Variants in RANBP10 observed in about 807,000 individuals in gnomAD.
The protein encoded by RANBP10 is RAN binding protein 10.
A neutral mutation model predicts 72.8 loss-of-function variants in RANBP10; 24 were observed. That is an observed-to-expected ratio of 0.33 (90% CI 0.24 to 0.46). The LOEUF is 0.46. Ranked by LOEUF, RANBP10 falls within the 20% of genes least tolerant of loss-of-function variation. The pLI, the probability that RANBP10 is intolerant of heterozygous loss-of-function variation, is 1.00. For synonymous variants in RANBP10, 310 were observed against 322.3 expected, an observed-to-expected ratio of 0.96 and a Z score of 0.41; for missense variants, 679 against 817.5, an observed-to-expected ratio of 0.83 and a Z score of 2.07.
chr16:67,751,492 G>T (rs193243084), intron 3 of RANBP10, among the ~76,000 whole-genome samples: 20 of 152,162 alleles, frequency 1.3e-4, no homozygotes, highest in Admixed American at 1.0e-3. Context: ...GGGTGTGGTA[G>T]CACATGCCTA....
intron 3 of RANBP10, among the ~76,000 whole-genome samples, chr16:67,765,531 A>T (rs953775048): frequency 2.6e-5 from 4 of 152,090 alleles, no homozygotes; most frequent in African/African-American, 7.2e-5. Flanking sequence ...CCATCTCAAA[A>T]AAATAAATAA....
At chr16:67,747,718 T>A (rs1415293839) in intron 3 of RANBP10, among the ~76,000 whole-genome samples, 1 of 152,016 alleles carries the variant, frequency 6.6e-6, no homozygotes, top group Non-Finnish European at 1.5e-5. Flanking sequence ...TTGGCCAGGC[T>A]GGTCTCGAAC....
chr16:67,787,644 G>A (rs908380749), intron 2 of RANBP10, among the ~76,000 whole-genome samples: 2 of 152,096 alleles, frequency 1.3e-5, no homozygotes, highest in African/African-American at 4.8e-5. Context: ...ATCAACAGAA[G>A]AATGGATAAA....
At chr16:67,752,528 C>G (rs961161156) in intron 3 of RANBP10, among the ~76,000 whole-genome samples, 1 of 152,104 alleles carries the variant, frequency 6.6e-6, no homozygotes, top group African/African-American at 2.4e-5. Flanking sequence ...GAAATCTGAA[C>G]CTATTCTGGT....
At chr16:67,731,753 C>A (rs1274771966) in intron 6 of RANBP10, among the ~76,000 whole-genome samples, 169 bp from the exon 7 acceptor site, 1 of 152,220 alleles carries the variant, frequency 6.6e-6, no homozygotes, top group Non-Finnish European at 1.5e-5. Context: ...AAAACTTCCC[C>A]CATGGTGCCC....
At position 67,727,863 on chromosome 16, in the gene RANBP10, C is replaced by T. The variant is rs769636670; in HGVS notation, c.1508G>A (p.Gly503Asp). ...GATCCTTTCTGTGGCAGCCTGGTTG[C>T]CCCCGCAGAGCTGCCGCCGAGGATG... ...DRHPRRQLCG[G>D]NQAATERIIL... Residue 503 changes from glycine to aspartate, a missense_variant, in exon 12 of 14, where the codon GGC becomes GAC. Coordinates refer to ENST00000317506, the MANE Select transcript of RANBP10 (RefSeq NM_020850.3). 1 of 1,614,002 alleles carries T rather than the reference C, an allele frequency of 6.2e-7. No homozygotes were observed. The highest frequency in any genetic ancestry group is 1.7e-5 in the Admixed American group (1 of 60,022).
rs2053624026 is a variant in RANBP10, at chr16:67,727,393, C to A, written c.1666G>T (p.Val556Phe). 1 of 1,613,996 alleles carries A rather than the reference C, an allele frequency of 6.2e-7. No homozygotes were observed. The highest frequency in any genetic ancestry group is 2.2e-5 in the East Asian group (1 of 44,880). ...TGGATGGGGTCAAGCTGCTGGCCAACTGGGCAGCTCCAGGGGTCTGAGTAT... is the reference window on the plus strand; with the variant it reads ...TGGATGGGGTCAAGCTGCTGGCCAAATGGGCAGCTCCAGGGGTCTGAGTAT... ...LAYSDPWSCP[V>F]GQQLDPIQRE... Residue 556 changes from valine to phenylalanine, a missense_variant, in exon 13 of 14, where the codon GTT becomes TTT. Coordinates refer to ENST00000317506, the MANE Select transcript of RANBP10 (RefSeq NM_020850.3).
At chr16:67,763,809 C>G (rs866921317) in intron 3 of RANBP10, among the ~76,000 whole-genome samples, 1 of 152,240 alleles carries the variant, frequency 6.6e-6, no homozygotes, top group African/African-American at 2.4e-5. Context: ...ATTCTCCTGC[C>G]TCAGCCTCCC....
rs149876935 is a variant in RANBP10, at chr16:67,776,461, CAAAAAAAAAAAA to C, written c.348-4387_348-4376del. Among the ~76,000 whole-genome samples, 28 of 37,914 alleles carry C rather than the reference CAAAAAAAAAAAA, an allele frequency of 7.4e-4. No homozygotes were observed. The South Asian group carries it at 0.013, about 18-fold the overall frequency. The allele number at this position is 37,914 out of a possible 152,430, so 24.9% of individuals were successfully genotyped here. ...CGGACAACAGACACGGACTCCATCT[CAAAAAAAAAAAA>C]AAAAAAAAAAAAAGAATTGGCCAGG... On this transcript the variant is annotated intron_variant, in intron 2 of 13. Transcript: ENST00000317506.
intron 6 of RANBP10, 78 bp from the exon 7 acceptor site, chr16:67,731,662 T>G: frequency 9.3e-7 from 1 of 1,076,372 alleles, no homozygotes; most frequent in Non-Finnish European, 1.4e-6. Context: ...CAGGACAGAT[T>G]ACCTCCCCCA....
intron 2 of RANBP10, among the ~76,000 whole-genome samples, chr16:67,784,653 T>A (rs1432322507): frequency 1.4e-5 from 2 of 146,944 alleles, no homozygotes; most frequent in African/African-American, 2.5e-5. Flanking sequence ...TGAAACTCCA[T>A]CCCAAAAAAA....
Position 67,738,142 on chromosome 16 carries a change from T to C in RANBP10, c.569-107A>G, listed in dbSNP as rs2053893958. On this transcript the variant is annotated intron_variant, in intron 4 of 13. Coordinates refer to ENST00000317506, the MANE Select transcript of RANBP10 (RefSeq NM_020850.3). The stretch of plus-strand genomic sequence containing the variant: ...GGCCGGGTAGTTGTTTTTTTTGGTT[T>C]GTTGTTGTTGTTTTGAGACAGAGTC... 4 of 1,259,616 alleles carry C rather than the reference T, an allele frequency of 3.2e-6. No individual in the cohort carries two copies. In the East Asian group the frequency reaches 1.1e-4, roughly 35 times the overall value. The allele number at this position is 1,259,616 out of a possible 1,614,324, so 78.0% of individuals were successfully genotyped here.
chr16:67,726,794 T>A (rs756574617), intron 13 of RANBP10, among the ~76,000 whole-genome samples: 6 of 152,188 alleles, frequency 3.9e-5, no homozygotes, highest in Non-Finnish European at 8.8e-5. Flanking sequence ...TGCCATGGCC[T>A]AGGACCCATC....
intron 2 of RANBP10, among the ~76,000 whole-genome samples, chr16:67,798,837 C>T (rs1014190547): frequency 3.9e-5 from 6 of 152,236 alleles, no homozygotes. Context: ...TTTCTTCACT[C>T]TCAAAAGCAT....
At chr16:67,799,629 T>A (rs902164873) in intron 2 of RANBP10, among the ~76,000 whole-genome samples, 4 of 152,096 alleles carry the variant, frequency 2.6e-5, no homozygotes, top group Non-Finnish European at 4.4e-5. Flanking sequence ...GCCTGAAGCA[T>A]CTGCTTCTCA....
chr16:67,751,895 A>AG (rs1225988455), intron 3 of RANBP10, among the ~76,000 whole-genome samples: 1 of 152,072 alleles, frequency 6.6e-6, no homozygotes, highest in African/African-American at 2.4e-5. Flanking sequence ...CGTCTCAAAA[A>AG]GAAAAAAAAA....
At position 67,724,416 on chromosome 16, in the gene RANBP10, A is replaced by C. The variant is rs1205323353; in HGVS notation, c.*2012T>G. On this transcript the variant is annotated 3_prime_UTR_variant, in exon 14 of 14. Transcript: ENST00000317506. Reference sequence around the variant, plus strand: ...GGAGATGTTCACTGAACCCCATTCCAGCTGCAAAAGCCTGTGGTTTTAATC... The same window carrying C: ...GGAGATGTTCACTGAACCCCATTCCCGCTGCAAAAGCCTGTGGTTTTAATC... The C allele has an allele frequency of 6.6e-6, 1 of 152,228 alleles. No homozygotes were observed. Among genetic ancestry groups the C allele is most frequent in the East Asian group, 1.9e-4 (1 of 5,196 alleles). The allele number at this position is 152,228 out of a possible 1,614,324, so 9.4% of individuals were successfully genotyped here. A position where few individuals can be genotyped will look rare whatever the true frequency, so the allele number is the denominator to read the frequency against.
At chr16:67,772,229 T>C (rs1421794600) in intron 2 of RANBP10, 143 bp from the exon 3 acceptor site, 2 of 836,240 alleles carry the variant, frequency 2.4e-6, no homozygotes, top group African/African-American at 1.7e-5. Context: ...CTAATGGTTC[T>C]TGGAGAAACC....
At chr16:67,736,249 C>T (rs529393023) in intron 5 of RANBP10, among the ~76,000 whole-genome samples, 43 of 152,220 alleles carry the variant, frequency 2.8e-4, no homozygotes, top group Admixed American at 2.5e-3. Flanking sequence ...GCAACTTCTA[C>T]CTCCTGGGTT....
Sources: allele counts gnomAD v4.1 joint callset (sites outside exome capture counted in the v4.1 genomes callset), GRCh38; gene constraint gnomAD v4.1.1; transcripts MANE v1.5; gene names NCBI Gene and HGNC (gene_info 2026-07-23, HGNC 2026-07-21).